SIPA1L3: variants seen among roughly 807,000 people sequenced by gnomAD.
The protein encoded by SIPA1L3 is signal-induced proliferation-associated 1-like protein 3.
Under a neutral mutation model 150.1 loss-of-function variants are expected in SIPA1L3, and 59 were observed. The observed-to-expected ratio is 0.39, with a 90% CI of 0.32 to 0.49. The LOEUF is 0.49. SIPA1L3 is among the 20% of genes least tolerant of loss of function. The pLI is 0.86. For synonymous variants in SIPA1L3, 1,070 were observed against 1,077.6 expected, an observed-to-expected ratio of 0.99 and a Z score of 0.14; for missense variants, 2,211 against 2,489.5, an observed-to-expected ratio of 0.89 and a Z score of 2.38.
chr19:37,972,977 C>T (rs546430587), intron 1 of SIPA1L3, among the ~76,000 whole-genome samples: 5 of 152,154 alleles, frequency 3.3e-5, no homozygotes, highest in South Asian at 4.2e-4. Context: ...AGTTACATGG[C>T]GACAGCTAGC....
intron 1 of SIPA1L3, among the ~76,000 whole-genome samples, chr19:38,004,990 C>T (rs1327035472): frequency 2.6e-5 from 4 of 152,118 alleles, no homozygotes; most frequent in Non-Finnish European, 5.9e-5. Flanking sequence ...GTTCTCTCAG[C>T]CCGAGTCCAA....
At chr19:37,908,087 T>G (rs1395347373) in intron 1 of SIPA1L3, 2 of 152,202 alleles carry the variant, frequency 1.3e-5, no homozygotes, top group Non-Finnish European at 2.9e-5. Context: ...ATGTGTAAAG[T>G]GCTTAGCACA....
At position 38,206,132 on chromosome 19, in the gene SIPA1L3, G is replaced by A; in HGVS notation, c.5238G>A (p.Val1746=). 6.4e-7 allele frequency: 1 copy of A among 1,550,860 alleles called. No individual in the cohort carries two copies. The highest frequency in any genetic ancestry group is 8.7e-7 in the Non-Finnish European group (1 of 1,146,696). The change falls in exon 22 of 22, where the codon GTG becomes GTA. Residue 1746 remains valine, a synonymous_variant. Coordinates refer to ENST00000222345, the MANE Select transcript of SIPA1L3 (RefSeq NM_015073.3). ...KQDKVVLQSE[V]ASLRQNNQRL... is the part of the protein sequence containing the mutation. ...ACAAGGTGGTGCTCCAGTCAGAGGTGGCCAGCCTGCGGCAGAACAACCAGC... is the reference window on the plus strand; with the variant it reads ...ACAAGGTGGTGCTCCAGTCAGAGGTAGCCAGCCTGCGGCAGAACAACCAGC...
intron 1 of SIPA1L3, among the ~76,000 whole-genome samples, chr19:37,993,152 A>G (rs545830796): frequency 1.3e-5 from 2 of 152,150 alleles, no homozygotes; most frequent in African/African-American, 4.8e-5. Flanking sequence ...GGTCTGAGTT[A>G]TGAGACCTTG....
intron 1 of SIPA1L3, among the ~76,000 whole-genome samples, chr19:37,962,658 C>T (rs1249236288): frequency 1.3e-5 from 2 of 151,642 alleles, no homozygotes; most frequent in Non-Finnish European, 2.9e-5. Context: ...AGGGTGTGCA[C>T]ACACATGCAT....
intron 1 of SIPA1L3, among the ~76,000 whole-genome samples, chr19:37,972,386 A>G (rs898866200): frequency 1.6e-4 from 24 of 152,178 alleles, no homozygotes; most frequent in African/African-American, 5.6e-4. Context: ...AACAAAGGGC[A>G]TAAGTGCTAT....
chr19:38,035,478 C>T (rs1007023442), intron 2 of SIPA1L3, among the ~76,000 whole-genome samples: 1 of 152,168 alleles, frequency 6.6e-6, no homozygotes, highest in South Asian at 2.1e-4. Context: ...AGTTTGGGGA[C>T]AGGCTTCTCC....
chr19:38,017,244 G>A (rs954257752), intron 1 of SIPA1L3, among the ~76,000 whole-genome samples: 2 of 152,266 alleles, frequency 1.3e-5, no homozygotes, highest in South Asian at 2.1e-4. Context: ...AAGAAATAGA[G>A]CAGTGACTTT....
intron 2 of SIPA1L3, among the ~76,000 whole-genome samples, chr19:38,080,630 T>C (rs1334704558): frequency 1.3e-5 from 2 of 152,056 alleles, no homozygotes; most frequent in African/African-American, 2.4e-5. Context: ...TTTTTTTAAA[T>C]CTTATGTACT....
intron 1 of SIPA1L3, among the ~76,000 whole-genome samples, chr19:37,984,597 G>A (rs1875619913): frequency 6.6e-6 from 1 of 152,196 alleles, no homozygotes; most frequent in African/African-American, 2.4e-5. Flanking sequence ...ATTCATTTCT[G>A]CAAAGTGAGG....
chr19:38,040,148 G>A (rs924729764), intron 2 of SIPA1L3, among the ~76,000 whole-genome samples: 4 of 152,160 alleles, frequency 2.6e-5, no homozygotes, highest in African/African-American at 9.7e-5. Context: ...AAAATGTTCC[G>A]TATATCCTCT....
chr19:38,042,816 C>T (rs1326974651), intron 2 of SIPA1L3, among the ~76,000 whole-genome samples: 1 of 152,194 alleles, frequency 6.6e-6, no homozygotes, highest in East Asian at 1.9e-4. Flanking sequence ...ACATCCCCAG[C>T]TTGACCTCAT....
intron 15 of SIPA1L3, among the ~76,000 whole-genome samples, chr19:38,172,954 T>C (rs1427920983): frequency 1.3e-5 from 2 of 151,922 alleles, no homozygotes; most frequent in Non-Finnish European, 2.9e-5. Flanking sequence ...TACAAAAAAT[T>C]AGCTGGGTGT....
At position 38,049,092 on chromosome 19, in the gene SIPA1L3, C is replaced by CG. The variant is rs1662678285; in HGVS notation, c.-311+19942dup. ...GCGAGACCCCATCTCAAAAAAAAAG[C>CG]GGGGGGTGGACAGGGGGCAAGTGGA... On this transcript the variant is annotated intron_variant, in intron 2 of 21. Coordinates refer to ENST00000222345, the MANE Select transcript of SIPA1L3 (RefSeq NM_015073.3). Among the ~76,000 whole-genome samples the CG allele has an allele frequency of 2.7e-5, 4 of 149,900 alleles. No homozygotes were observed. In the South Asian group the frequency reaches 8.4e-4, roughly 31 times the overall value.
At chr19:38,194,861 G>A (rs1218531759) in intron 18 of SIPA1L3, among the ~76,000 whole-genome samples, 1 of 152,216 alleles carries the variant, frequency 6.6e-6, no homozygotes, top group Non-Finnish European at 1.5e-5. Context: ...GACCAGCCTG[G>A]CCAATGTGGT....
At chr19:37,918,743 C>T (rs895892032) in intron 1 of SIPA1L3, among the ~76,000 whole-genome samples, 3 of 151,812 alleles carry the variant, frequency 2.0e-5, no homozygotes, top group Non-Finnish European at 4.4e-5. Flanking sequence ...TGGTGGTGGG[C>T]ACCTGTAATC....
chr19:37,993,459 G>A (rs1198154878), intron 1 of SIPA1L3, among the ~76,000 whole-genome samples: 1 of 152,214 alleles, frequency 6.6e-6, no homozygotes, highest in Non-Finnish European at 1.5e-5. Context: ...AGCCTCCCGA[G>A]TAGCTGGAAT....
intron 8 of SIPA1L3, among the ~76,000 whole-genome samples, chr19:38,110,862 G>T (rs73930357): frequency 0.028 from 4,193 of 152,100 alleles, 185 homozygotes; most frequent in African/African-American, 0.095. Context: ...GGAGTCGTGT[G>T]CCTGTCCTAG....
At chr19:38,030,953 C>T (rs2145721360) in intron 2 of SIPA1L3, among the ~76,000 whole-genome samples, 1 of 152,150 alleles carries the variant, frequency 6.6e-6, no homozygotes, top group Middle Eastern at 3.4e-3. Context: ...CCGTGTCGGC[C>T]AAGCTGCGGG....
Sources: gnomAD v4.1 joint callset for allele counts (sites outside exome capture counted in the v4.1 genomes callset) on GRCh38, gnomAD v4.1.1 for gene constraint, MANE v1.5 for transcripts, NCBI Gene and HGNC (gene_info 2026-07-23, HGNC 2026-07-21) for gene names.